MPP2: variants seen among roughly 807,000 people sequenced by gnomAD.
The protein encoded by MPP2 is MAGUK p55 scaffold protein 2, also known as MAGUK p55 subfamily member 2.
In MPP2, 42 loss-of-function variants were observed where a neutral mutation model predicts 58.5. That is an observed-to-expected ratio of 0.72 (90% CI 0.56 to 0.93). The LOEUF is 0.93. MPP2 is among the 40% of genes least tolerant of loss of function. MPP2 has a pLI of 0.00. For synonymous variants in MPP2, 300 were observed against 307.8 expected, an observed-to-expected ratio of 0.97 and a Z score of 0.26; for missense variants, 632 against 760.4, an observed-to-expected ratio of 0.83 and a Z score of 1.99.
upstream of MPP2, among the ~76,000 whole-genome samples, chr17:43,908,252 C>T (rs2048363266): frequency 6.6e-6 from 1 of 152,230 alleles, no homozygotes; most frequent in African/African-American, 2.4e-5. Flanking sequence ...CCTCCGGCTC[C>T]ACCCCACATC....
intron 3 of MPP2, chr17:43,884,226 T>C: frequency 3.1e-6 from 2 of 655,518 alleles, no homozygotes; most frequent in Non-Finnish European, 5.5e-6. Flanking sequence ...TTCACTCTTG[T>C]CCCAAAAGTA....
intron 3 of MPP2, among the ~76,000 whole-genome samples, chr17:43,886,267 G>A (rs2039253756): frequency 6.6e-6 from 1 of 151,926 alleles, no homozygotes; most frequent in Non-Finnish European, 1.5e-5. Context: ...ACTGCATGGA[G>A]ATCTTCCTTT....
chr17:43,908,012 C>CTT (rs1223429352), upstream of MPP2: 11 of 978,542 alleles, frequency 1.1e-5, no homozygotes, highest in Non-Finnish European at 1.3e-5. Context: ...TCAGGGGCAG[C>CTT]TTTTTAAGGA....
In MPP2 at chr17:43,904,508, G is replaced by T; in HGVS notation, c.-33-15C>A. The T allele has an allele frequency of 6.2e-7, 1 of 1,612,374 alleles. No individual in the cohort carries two copies. Among genetic ancestry groups the T allele is most frequent in the Non-Finnish European group, 8.5e-7 (1 of 1,178,606 alleles). On this transcript the variant is annotated splice_polypyrimidine_tract_variant and intron_variant, in intron 1 of 12. Transcript: ENST00000269095. ...AAACGTCTCTCCTGGAGAGGGGAGA[G>T]AGGAGGATGAGCAGATACAAGGGCA...
intron 3 of MPP2, among the ~76,000 whole-genome samples, chr17:43,894,712 TTAC>T (rs2047770636): frequency 6.7e-6 from 1 of 149,266 alleles, no homozygotes; most frequent in African/African-American, 2.5e-5. Context: ...GCTGAGAGGA[TTAC>T]TTGAGGCCAG....
chr17:43,882,795 G>A, intron 5 of MPP2, 108 bp downstream of exon 5: 2 of 1,502,232 alleles, frequency 1.3e-6, no homozygotes, highest in Non-Finnish European at 1.8e-6. Context: ...CACAAAGCTG[G>A]CCCCATCTTC....
chr17:43,889,657 A>C (rs2047516642), intron 3 of MPP2, among the ~76,000 whole-genome samples: 1 of 151,170 alleles, frequency 6.6e-6, no homozygotes, highest in African/African-American at 2.4e-5. Context: ...CACCATGCCC[A>C]GCTGAAAGCA....
rs1420203013 is a variant in MPP2 at position 43,882,986 on chromosome 17, G to A, written c.370C>T (p.Leu124=). The change falls in exon 5 of 13, where the codon CTG becomes TTG. Residue 124 remains leucine, a synonymous_variant. Transcript: ENST00000269095. ...TYETPPPSPG[L]DPTFSNQPVP... ...GGCTGGTTGCTGAATGTAGGGTCCA[G>A]GCCAGGGCTGGGGGGTGGTGTCTCA... is the stretch of plus-strand genomic sequence containing the variant. 5 of 1,613,990 alleles carry A rather than the reference G, an allele frequency of 3.1e-6. No homozygotes were observed. Among genetic ancestry groups the A allele is most frequent in the Non-Finnish European group, 3.4e-6 (4 of 1,180,000 alleles).
chr17:43,890,804 G>T lies in MPP2; in HGVS notation c.151-7449C>A, dbSNP rs562914712. ...AGGATGAGAGACCCTCCTAGAGGAT[G>T]AGAGACCACATGGAAAGGGGTCTGG... On this transcript the variant is annotated intron_variant, in intron 3 of 12. Transcript: ENST00000269095. 3.9e-5 allele frequency among the ~76,000 whole-genome samples: 4 copies of T among 102,738 alleles called. No individual in the cohort carries two copies. In the South Asian group the frequency reaches 1.8e-3, roughly 47 times the overall value. The allele number at this position is 102,738 out of a possible 152,430, so 67.4% of individuals were successfully genotyped here.
chr17:43,881,161 G>A lies in MPP2; in HGVS notation c.920-3C>T, dbSNP rs749562275. 21 of 1,613,938 alleles carry A rather than the reference G, an allele frequency of 1.3e-5. No homozygotes were observed. The Admixed American group carries it at 2.5e-4, about 19-fold the overall frequency. On this transcript the variant is annotated splice_polypyrimidine_tract_variant and splice_region_variant and intron_variant, in intron 8 of 12. Coordinates refer to ENST00000269095, the MANE Select transcript of MPP2 (RefSeq NM_005374.5). ...TGAAAGGCTGCCGCATAGGGTCCCTGGCCATAGGGAGATGGGTGAGTGAGG... is the reference window on the plus strand; with the variant it reads ...TGAAAGGCTGCCGCATAGGGTCCCTAGCCATAGGGAGATGGGTGAGTGAGG...
At chr17:43,884,601 T>TA (rs2047286027) in intron 3 of MPP2, among the ~76,000 whole-genome samples, 2 of 152,256 alleles carry the variant, frequency 1.3e-5, no homozygotes, top group African/African-American at 4.8e-5. Flanking sequence ...TGATTAGACT[T>TA]ACGTTAATCC....
intron 3 of MPP2, among the ~76,000 whole-genome samples, chr17:43,890,333 C>T (rs1255686471): frequency 6.6e-6 from 1 of 152,152 alleles, no homozygotes; most frequent in Non-Finnish European, 1.5e-5. Flanking sequence ...TTTCATTCTG[C>T]TCTGAAAATT....
Position 43,882,300 on chromosome 17 carries a change from G to A in MPP2, c.665C>T (p.Pro222Leu). The A allele has an allele frequency of 6.2e-7, 1 of 1,611,128 alleles. No individual in the cohort carries two copies. Among genetic ancestry groups the A allele is most frequent in the Non-Finnish European group, 8.5e-7 (1 of 1,179,602 alleles). ...ILKILPSYQE[P>L]HLPRQVFVKC... ...GGGGCCCACCTGGCGGGGCAGATGG[G>A]GCTCCTGGTAGCTGGGCAGGATCTT... The change falls in exon 6 of 13, where the codon CCC becomes CTC. Residue 222 changes from proline to leucine, a missense_variant. Pro to Leu is a moderately conservative substitution (Grantham distance 98). Coordinates refer to ENST00000269095, the MANE Select transcript of MPP2 (RefSeq NM_005374.5).
In MPP2 at chr17:43,877,835, T is replaced by C. The variant is rs770895835; in HGVS notation, c.1631A>G (p.Gln544Arg). Residue 544 changes from glutamine (Q) to arginine (R), a missense_variant, in exon 13 of 13, where the codon CAG (glutamine) becomes CGG (arginine). Gln to Arg is a conservative substitution (Grantham distance 43, BLOSUM62 1). Transcript: ENST00000269095. ...GTACACCCAGCTGACAGGCACCCAC[T>C]GGGGCTCTGTCCGTAGCTTCTCCAT... ...TAMEKLRTEP[Q>R]WVPVSWVY 23 of 1,613,860 alleles carry C rather than the reference T, an allele frequency of 1.4e-5. No homozygotes were observed.
In MPP2 at chr17:43,880,938, TG is replaced by T. The variant is rs2047084579; in HGVS notation, c.989-87del. The T allele has an allele frequency of 6.5e-7, 1 of 1,545,748 alleles. No individual in the cohort carries two copies. Among genetic ancestry groups the T allele is most frequent in the East Asian group, 2.3e-5 (1 of 44,356 alleles). ...CAGGGAGGCTGAGGGCAAGAGGGCT[TG>T]GAACAGGGGAGCAGGGGGGAGTCGG... On this transcript the variant is annotated intron_variant, in intron 9 of 12. Transcript: ENST00000269095. This position sits in a 1 kb window ranked among gnomAD's most constrained non-coding sequence, Gnocchi z 5.2.
intron 1 of MPP2, chr17:43,906,116 C>A (rs753804863): frequency 5.1e-6 from 5 of 985,110 alleles, no homozygotes; most frequent in Non-Finnish European, 6.0e-6. Flanking sequence ...CTCTCCCTCA[C>A]AGGGTCAGAG....
upstream of MPP2, chr17:43,909,641 C>T: frequency 6.9e-7 from 1 of 1,444,142 alleles, no homozygotes; most frequent in Non-Finnish European, 9.1e-7. Flanking sequence ...GAGCCCAACT[C>T]ATTATTCTTA....
intron 2 of MPP2, chr17:43,901,639 G>A: frequency 2.1e-6 from 2 of 959,666 alleles, no homozygotes; most frequent in South Asian, 9.6e-5. Flanking sequence ...GAGATTTAAA[G>A]GGACAGCTCC....
chr17:43,887,468 T>C (rs902532213), intron 3 of MPP2, among the ~76,000 whole-genome samples: 5 of 152,096 alleles, frequency 3.3e-5, no homozygotes, highest in Non-Finnish European at 7.3e-5. Flanking sequence ...TTTTTTGTTT[T>C]TTTTTTAAGG....
Sources: gnomAD v4.1 joint callset for allele counts (sites outside exome capture counted in the v4.1 genomes callset) on GRCh38, gnomAD v4.1.1 for gene constraint, Gnocchi (gnomAD v3.1) non-coding constraint, MANE v1.5 for transcripts, NCBI Gene and HGNC (gene_info 2026-07-23, HGNC 2026-07-21) for gene names.